Variants in PPIP5K2 observed in about 807,000 individuals in gnomAD.
The protein encoded by PPIP5K2 is inositol hexakisphosphate and diphosphoinositol-pentakisphosphate kinase 2.
A neutral mutation model predicts 154.6 loss-of-function variants in PPIP5K2; 105 were observed. The ratio of observed to expected loss-of-function variants is 0.68; its 90% CI spans 0.58 to 0.80. The LOEUF (loss-of-function observed/expected upper bound fraction) is 0.80. PPIP5K2 is among the 30% of genes least tolerant of loss of function. PPIP5K2 has a pLI of 0.00. For synonymous variants in PPIP5K2, 480 were observed against 490.3 expected (o/e 0.98, Z 0.28); for missense variants, 992 against 1,504.6 (o/e 0.66, Z 5.64).
intron 17 of PPIP5K2, 146 bp downstream of exon 17, chr5:103,159,474 A>C: frequency 1.3e-6 from 1 of 746,952 alleles, no homozygotes; most frequent in Non-Finnish European, 1.9e-6. Flanking sequence ...GAACATTGGA[A>C]CAACTTTGGC....
Position 103,180,052 on chromosome 5 carries a change from A to G in PPIP5K2, c.2786A>G (p.Asn929Ser). ...NEGRRPFKID[N>S]DDEPHTSKRD... is the part of the protein sequence containing the mutation. ...GGCAGGAGACCTTTTAAAATTGATAATGATGATGAACCACATACTTCTAAA... is the reference window on the plus strand; with the variant it reads ...GGCAGGAGACCTTTTAAAATTGATAGTGATGATGAACCACATACTTCTAAA... The change falls in exon 24 of 31, where the codon AAT becomes AGT. Residue 929 changes from asparagine (N) to serine (S), a missense_variant. This residue lies in a region of PPIP5K2 where 204 missense variants were observed against 224.0 expected (regional missense o/e 0.91). Transcript: ENST00000358359. 1.3e-6 allele frequency: 2 copies of G among 1,563,504 alleles called. No individual in the cohort carries two copies. Among genetic ancestry groups the G allele is most frequent in the South Asian group, 1.2e-5 (1 of 82,064 alleles).
intron 6 of PPIP5K2, among the ~76,000 whole-genome samples, chr5:103,147,361 G>C (rs531172719): frequency 1.3e-5 from 2 of 152,062 alleles, no homozygotes; most frequent in South Asian, 4.1e-4. Flanking sequence ...ATGTAGAACA[G>C]TGAAAACTTA....
In PPIP5K2 at chr5:103,144,529, C is replaced by G. The variant is rs140301651; in HGVS notation, c.488-1998C>G. On this transcript the variant is annotated intron_variant, in intron 5 of 30. Transcript: ENST00000358359. ...TCACATTATTTGACTTCAAGTTGTA[C>G]TGCTAAGCTATAGTAACCAAAACAG... Among the ~76,000 whole-genome samples the G allele has an allele frequency of 2.6e-3, 393 of 152,286 alleles. 9 individuals are homozygous for G. The highest frequency in any genetic ancestry group is 0.021 in the Admixed American group (328 of 15,294).
At chr5:103,192,558 A>C (rs1215005785) in intron 29 of PPIP5K2, among the ~76,000 whole-genome samples, 1 of 152,104 alleles carries the variant, frequency 6.6e-6, no homozygotes, top group Non-Finnish European at 1.5e-5. Context: ...ATTGTAGAAG[A>C]CTTGCAATGA....
intron 5 of PPIP5K2, among the ~76,000 whole-genome samples, chr5:103,139,287 G>C (rs1365272689): frequency 6.6e-6 from 1 of 152,048 alleles, no homozygotes; most frequent in African/African-American, 2.4e-5. Flanking sequence ...AAAACTAGGG[G>C]GGAGGCAGAA....
At chr5:103,178,844 C>T (rs1554221783) in intron 23 of PPIP5K2, among the ~76,000 whole-genome samples, 2 of 151,664 alleles carry the variant, frequency 1.3e-5, no homozygotes, top group African/African-American at 4.8e-5. Context: ...CCATCTTTGT[C>T]ATATTAATTC....
In PPIP5K2 at chr5:103,173,938, T is replaced by C; in HGVS notation, c.2495T>C (p.Leu832Ser). 1 of 1,606,434 alleles carries C rather than the reference T, an allele frequency of 6.2e-7. No individual in the cohort carries two copies. Among genetic ancestry groups the C allele is most frequent in the East Asian group, 2.2e-5 (1 of 44,682 alleles). Residue 832 changes from leucine (L) to serine (S), a missense_variant, in exon 21 of 31, where the codon TTG becomes TCG. Coordinates refer to ENST00000358359, the MANE Select transcript of PPIP5K2 (RefSeq NM_001276277.3). ...ACCAGTGAAAGTCATGTACATTCTT[T>C]GCTGTCTATTCTTCGCTATGGTGCC... ...YFTSESHVHSLLSILRYGALC... is the reference protein window; with the variant it reads ...YFTSESHVHSSLSILRYGALC...
chr5:103,155,303 C>T (rs187448251), intron 13 of PPIP5K2, among the ~76,000 whole-genome samples: 3 of 149,316 alleles, frequency 2.0e-5, no homozygotes, highest in African/African-American at 4.9e-5. Flanking sequence ...ATTCCTGTTA[C>T]AGCTTTACAT....
At chr5:103,177,467 A>T (rs1562476825) in intron 21 of PPIP5K2, among the ~76,000 whole-genome samples, 200 bp from the exon 22 acceptor site, 2 of 152,030 alleles carry the variant, frequency 1.3e-5, no homozygotes, top group Non-Finnish European at 2.9e-5. Flanking sequence ...TAGAGATTTT[A>T]AAAATATTTT....
Position 103,144,809 on chromosome 5 carries a change from C to T in PPIP5K2, c.488-1718C>T, listed in dbSNP as rs371582106. Among the ~76,000 whole-genome samples the T allele has an allele frequency of 9.9e-5, 15 of 152,158 alleles. No individual in the cohort carries two copies. The East Asian group carries it at 1.7e-3, about 18-fold the overall frequency. Reference sequence around the variant, plus strand: ...TCTAAGACCTGAAGCTATGCAACTACTAAAAGAAAACATTGTAGAAACACT... The same window carrying T: ...TCTAAGACCTGAAGCTATGCAACTATTAAAAGAAAACATTGTAGAAACACT... On this transcript the variant is annotated intron_variant, in intron 5 of 30. Coordinates refer to ENST00000358359, the MANE Select transcript of PPIP5K2 (RefSeq NM_001276277.3).
chr5:103,161,571 C>T (rs1450087600), intron 17 of PPIP5K2, among the ~76,000 whole-genome samples: 2 of 152,168 alleles, frequency 1.3e-5, no homozygotes, highest in African/African-American at 4.8e-5. Context: ...TTTACAGTCC[C>T]ACCAACAGTG....
At chr5:103,146,839 A>G (rs1346667534) in intron 6 of PPIP5K2, among the ~76,000 whole-genome samples, 158 bp downstream of exon 6, 1 of 152,006 alleles carries the variant, frequency 6.6e-6, no homozygotes, top group Non-Finnish European at 1.5e-5. Context: ...TTAGAAAAGC[A>G]TGGCATCATT....
intron 7 of PPIP5K2, chr5:103,148,274 A>C (rs782533143): frequency 2.1e-6 from 1 of 469,710 alleles, no homozygotes; most frequent in South Asian, 2.0e-5. Context: ...AATTTTATTC[A>C]AATATAATAA....
chr5:103,174,036 G>T (rs930260992), intron 21 of PPIP5K2, 64 bp downstream of exon 21: 62 of 1,236,130 alleles, frequency 5.0e-5, no homozygotes, highest in Admixed American at 6.6e-5. Context: ...ATCACTAACT[G>T]CTATTTTTAC....
rs1358565433 is a variant in PPIP5K2 at position 103,211,350 on chromosome 5, CTA to C, written c.*9717_*9718del. 2.0e-5 allele frequency: 3 copies of C among 152,008 alleles called. No homozygotes were observed. The highest frequency in any genetic ancestry group is 2.9e-5 in the Non-Finnish European group (2 of 67,940). 9.4% of individuals were successfully genotyped at this position (152,008 alleles called of 1,614,324 possible). On this transcript the variant is annotated 3_prime_UTR_variant, in exon 31 of 31. Coordinates refer to ENST00000358359, the MANE Select transcript of PPIP5K2 (RefSeq NM_001276277.3). ...CTCAAAAAAAATTGTCCCTAGAAAA[CTA>C]GAGTGATCATAGGGATCAGATGACA...
At chr5:103,143,860 C>T (rs1793271256) in intron 5 of PPIP5K2, among the ~76,000 whole-genome samples, 1 of 152,044 alleles carries the variant, frequency 6.6e-6, no homozygotes. Flanking sequence ...AAAATATTTC[C>T]TCTAAGAATT....
chr5:103,146,470 G>A, intron 5 of PPIP5K2, 57 bp from the exon 6 acceptor site: 1 of 1,549,232 alleles, frequency 6.5e-7, no homozygotes, highest in Admixed American at 1.8e-5. Context: ...ATAATGTGGT[G>A]TCCTGATAAT....
In PPIP5K2 at chr5:103,177,920, AG is replaced by A; in HGVS notation, c.2696del (p.Gly899ValfsTer47). 1 of 1,613,348 alleles carries A rather than the reference AG, an allele frequency of 6.2e-7. No homozygotes were observed. The highest frequency in any genetic ancestry group is 8.5e-7 in the Non-Finnish European group (1 of 1,179,422). ...AATTACACTTTAGTCCGGGAGCCAA[AG>A]GTTGTGAAGAAGACAAAAATTTGCC... ...VELHFSPGAK[G>X]CEEDKNLPSG... On this transcript the variant is annotated frameshift_variant, in exon 23 of 31. Coordinates refer to ENST00000358359, the MANE Select transcript of PPIP5K2 (RefSeq NM_001276277.3). LOFTEE classifies it high-confidence loss of function.
chr5:103,171,181 A>G (rs1330692930), intron 19 of PPIP5K2, among the ~76,000 whole-genome samples: 1 of 151,720 alleles, frequency 6.6e-6, no homozygotes, highest in South Asian at 2.1e-4. Flanking sequence ...ATGCTACAAT[A>G]GAATCAAATT....
Sources: gnomAD v4.1 joint callset for allele counts (sites outside exome capture counted in the v4.1 genomes callset) on GRCh38, gnomAD v4.1.1 for gene constraint, gnomAD v4.1.1 regional missense constraint, MANE v1.5 for transcripts, NCBI Gene and HGNC (gene_info 2026-07-23, HGNC 2026-07-21) for gene names.